Variants in SUGP1 observed in about 807,000 individuals in gnomAD.
SUGP1 encodes SURP and G-patch domain-containing protein 1.
SUGP1 carries 34 observed loss-of-function variants against 76.5 expected under a neutral mutation model. The ratio of observed to expected loss-of-function variants is 0.44; its 90% confidence interval spans 0.34 to 0.59. The LOEUF is 0.59. Ranked by LOEUF, SUGP1 falls within the 20% of genes least tolerant of loss-of-function variation. SUGP1 has a pLI of 0.01. For missense variants in SUGP1, 752 were observed against 851.7 expected (o/e 0.88, Z 1.46); for synonymous variants, 326 against 326.2 (o/e 1.00, Z 0.01).
At chr19:19,277,498 A>C (rs1300415710) in intron 12 of SUGP1, among the ~76,000 whole-genome samples, 2 of 152,148 alleles carry the variant, frequency 1.3e-5, no homozygotes, top group Non-Finnish European at 2.9e-5. Flanking sequence ...CACCCACCCC[A>C]TCTGGCCTGG....
chr19:19,295,635 C>T (rs573457956), intron 8 of SUGP1, among the ~76,000 whole-genome samples: 6 of 149,790 alleles, frequency 4.0e-5, no homozygotes, highest in East Asian at 1.9e-4. Context: ...AAAAAGAACC[C>T]GACGGCAGAG....
At chr19:19,277,442 A>G (rs2061061870) in intron 12 of SUGP1, among the ~76,000 whole-genome samples, 1 of 152,126 alleles carries the variant, frequency 6.6e-6, no homozygotes, top group Admixed American at 6.5e-5. Context: ...GGGAATTCAA[A>G]TAAGGCCCTT....
intron 1 of SUGP1, among the ~76,000 whole-genome samples, chr19:19,318,313 C>A (rs933557127): frequency 1.3e-5 from 2 of 149,098 alleles, no homozygotes; most frequent in Non-Finnish European, 3.0e-5. Context: ...AGAGATGGGG[C>A]TTCACCATGT....
intron 8 of SUGP1, among the ~76,000 whole-genome samples, chr19:19,287,739 AT>A (rs1419073226): frequency 6.6e-6 from 1 of 152,218 alleles, no homozygotes; most frequent in Non-Finnish European, 1.5e-5. Context: ...GAGGATTCTC[AT>A]TATTCGAGAC....
chr19:19,277,249 G>GGT (rs1555787445), intron 12 of SUGP1, among the ~76,000 whole-genome samples, 173 bp from the exon 13 acceptor site: 5 of 139,966 alleles, frequency 3.6e-5, no homozygotes, highest in African/African-American at 1.4e-4. Context: ...CCCCGGGGCG[G>GGT]GCGGGGGGGG....
At chr19:19,311,855 G>A (rs1225029708) in intron 2 of SUGP1, among the ~76,000 whole-genome samples, 3 of 152,004 alleles carry the variant, frequency 2.0e-5, no homozygotes, top group Admixed American at 2.0e-4. Flanking sequence ...GCTCATCCCT[G>A]TAATCCCAGC....
chr19:19,318,668 G>A (rs2061412728), intron 1 of SUGP1, among the ~76,000 whole-genome samples: 1 of 152,078 alleles, frequency 6.6e-6, no homozygotes, highest in Admixed American at 6.6e-5. Flanking sequence ...GTCCTCAAGG[G>A]AGCCTCCCAT....
At chr19:19,287,065 A>G (rs1474894289) in intron 8 of SUGP1, among the ~76,000 whole-genome samples, 1 of 152,238 alleles carries the variant, frequency 6.6e-6, no homozygotes, top group East Asian at 1.9e-4. Context: ...ATTTGAGGTC[A>G]GGAGTAAGAG....
At chr19:19,316,312 G>A in intron 2 of SUGP1, 110 bp downstream of exon 2, 1 of 1,356,680 alleles carries the variant, frequency 7.4e-7, no homozygotes, top group East Asian at 2.4e-5. Context: ...GGATCATCAG[G>A]CTATGGCTGG....
chr19:19,299,743 T>C (rs1345497229), intron 7 of SUGP1, among the ~76,000 whole-genome samples: 1 of 151,910 alleles, frequency 6.6e-6, no homozygotes. Context: ...ATCTCAGAAA[T>C]GGGAGAATGA....
At chr19:19,292,272 CA>C (rs543248625) in intron 8 of SUGP1, among the ~76,000 whole-genome samples, 358 of 61,172 alleles carry the variant, frequency 5.9e-3, no homozygotes, top group Middle Eastern at 0.019. Context: ...GACTCCGTCT[CA>C]AAAAAAAAAA....
chr19:19,310,291 C>A, intron 2 of SUGP1, 91 bp from the exon 3 acceptor site: 1 of 976,350 alleles, frequency 1.0e-6, no homozygotes. Context: ...GCCATCACCT[C>A]GTCCATCATG....
At chr19:19,291,889 TCACACACACACACA>T (rs541521385) in intron 8 of SUGP1, among the ~76,000 whole-genome samples, 19,941 of 128,612 alleles carry the variant, frequency 0.16, 1,507 homozygotes, top group Middle Eastern at 0.31. Context: ...TGAGACTCTG[TCACACACACACACA>T]CACACACACA....
chr19:19,293,489 C>T (rs1034890374), intron 8 of SUGP1, among the ~76,000 whole-genome samples: 1 of 151,758 alleles, frequency 6.6e-6, no homozygotes, highest in Non-Finnish European at 1.5e-5. Context: ...GAGGCTGAGG[C>T]AGGAGAATTG....
At chr19:19,294,064 G>A (rs1281962596) in intron 8 of SUGP1, among the ~76,000 whole-genome samples, 1 of 152,062 alleles carries the variant, frequency 6.6e-6, no homozygotes, top group Non-Finnish European at 1.5e-5. Flanking sequence ...GAGCATGTCT[G>A]TAGTCCCAGC....
chr19:19,297,217 G>A lies in SUGP1; in HGVS notation c.1015C>T (p.Pro339Ser), dbSNP rs138311992. 195 of 1,602,016 alleles carry A rather than the reference G, an allele frequency of 1.2e-4. 2 individuals are homozygous for A. In the African/African-American group the frequency reaches 1.8e-3, roughly 15 times the overall value. The stretch of plus-strand genomic sequence containing the variant: ...AAGGACCCTGACAGGGCCTCAGGAG[G>A]GGACTTGCGCTTCAGGCCGGGATCA... ...APDPGLKRKS[P>S]PEALSGSLPP... Residue 339 changes from proline (P) to serine (S), a missense_variant, in exon 8 of 14, where the codon CCT becomes TCT. Transcript: ENST00000247001.
intron 5 of SUGP1, 133 bp from the exon 6 acceptor site, chr19:19,303,581 G>C: frequency 7.4e-7 from 1 of 1,344,384 alleles, no homozygotes; most frequent in South Asian, 1.2e-5. Context: ...GTGCCACATG[G>C]GAGCCACTTG....
intron 11 of SUGP1, 141 bp downstream of exon 11, chr19:19,278,549 G>A: frequency 1.5e-6 from 1 of 674,782 alleles, no homozygotes; most frequent in Non-Finnish European, 2.6e-6. Flanking sequence ...GTCATTAACA[G>A]ATGCCTCCTG....
At position 19,303,297 on chromosome 19, in the gene SUGP1, C is replaced by T. The variant is rs376230640; in HGVS notation, c.763+51G>A. ...GGAACCCCGATTCCGCATTGGGGCACGGTATGTCCACAGGCCTCCCCAGAA... is the reference window on the plus strand; with the variant it reads ...GGAACCCCGATTCCGCATTGGGGCATGGTATGTCCACAGGCCTCCCCAGAA... On this transcript the variant is annotated intron_variant, in intron 6 of 13. Transcript: ENST00000247001. The T allele has an allele frequency of 3.2e-5, 48 of 1,502,434 alleles. No individual in the cohort carries two copies. The Middle Eastern group carries it at 9.8e-4, about 31-fold the overall frequency. The allele number at this position is 1,502,434 out of a possible 1,614,324, so 93.1% of individuals were successfully genotyped here.
Sources: allele counts gnomAD v4.1 joint callset (sites outside exome capture counted in the v4.1 genomes callset), GRCh38; gene constraint gnomAD v4.1.1; transcripts MANE v1.5; gene names NCBI Gene and HGNC (gene_info 2026-07-23, HGNC 2026-07-21).